KLHDC4: variants seen among roughly 807,000 people sequenced by gnomAD.
The protein encoded by KLHDC4 is kelch domain-containing protein 4.
Under a neutral mutation model 62.4 loss-of-function variants are expected in KLHDC4, and 90 were observed. The ratio of observed to expected loss-of-function variants is 1.44; its 90% CI spans 1.22 to 1.72. The LOEUF (loss-of-function observed/expected upper bound fraction) is 1.72, where lower values mean the gene tolerates loss of function less well. KLHDC4 is among the 40% of genes most tolerant of loss of function. The pLI is 0.00. For synonymous variants in KLHDC4, 386 were observed against 284.4 expected (o/e 1.36, Z -3.59); for missense variants, 1,025 against 699.7 (o/e 1.47, Z -5.25).
intron 7 of KLHDC4, among the ~76,000 whole-genome samples, chr16:87,723,764 C>G (rs2038861489): frequency 6.6e-6 from 1 of 152,270 alleles, no homozygotes; most frequent in Non-Finnish European, 1.5e-5. Flanking sequence ...AATGGAGAAA[C>G]AGACCTATGT....
downstream of KLHDC4, chr16:87,703,252 G>C (rs1013306249): frequency 1.3e-5 from 2 of 151,892 alleles, no homozygotes; most frequent in South Asian, 2.1e-4. Flanking sequence ...CAGGAATCGC[G>C]AGTGAGTTCC....
chr16:87,748,258 G>C (rs563623018), intron 5 of KLHDC4, among the ~76,000 whole-genome samples: 1 of 152,288 alleles, frequency 6.6e-6, no homozygotes, highest in Non-Finnish European at 1.5e-5. Flanking sequence ...TCTCATACCA[G>C]CTCCACGGTT....
chr16:87,731,046 C>CTTTTTTTTTTTTTTT (rs774096264), intron 5 of KLHDC4: 3 of 72,074 alleles, frequency 4.2e-5, no homozygotes, highest in Non-Finnish European at 8.3e-5. Context: ...ATACAGAATT[C>CTTTTTTTTTTTTTTT]TTTTTTTTTT....
intron 5 of KLHDC4, among the ~76,000 whole-genome samples, chr16:87,737,038 T>C (rs757432207): frequency 1.4e-5 from 2 of 143,450 alleles, no homozygotes; most frequent in African/African-American, 2.6e-5. Context: ...GGCAGGAGAA[T>C]TGCTTGAACT....
intron 5 of KLHDC4, 113 bp from the exon 6 acceptor site, chr16:87,730,757 C>G: frequency 2.4e-6 from 2 of 849,402 alleles, no homozygotes; most frequent in East Asian, 2.5e-5. Flanking sequence ...TTTGTGAGCA[C>G]TTACTGCTCA....
At chr16:87,731,804 C>T (rs554280679) in intron 5 of KLHDC4, among the ~76,000 whole-genome samples, 32 of 152,318 alleles carry the variant, frequency 2.1e-4, no homozygotes, top group African/African-American at 7.0e-4. Flanking sequence ...AGCTGTCCCT[C>T]AGTGGGTGAA....
Position 87,756,973 on chromosome 16 carries a change from C to A in KLHDC4, c.192-496G>T, listed in dbSNP as rs574167624. On this transcript the variant is annotated intron_variant, in intron 2 of 11. Transcript: ENST00000270583. The stretch of plus-strand genomic sequence containing the variant: ...GGATTGCAGGTGCCCACCACCACAC[C>A]CAGCTAGTTTTTGTATTTTTTAGTA... Among the ~76,000 whole-genome samples the A allele has an allele frequency of 2.0e-5, 3 of 152,004 alleles. No homozygotes were observed. In the South Asian group the frequency reaches 6.2e-4, roughly 32 times the overall value.
chr16:87,738,534 C>CCATCCACACACCAGCACCT (rs1252279609), intron 5 of KLHDC4, among the ~76,000 whole-genome samples: 9 of 152,108 alleles, frequency 5.9e-5, no homozygotes, highest in African/African-American at 1.4e-4. Flanking sequence ...AAAACGTGGT[C>CCATCCACACACCAGCACCT]CATCCACACA....
At chr16:87,705,159 G>A (rs975496465), downstream of KLHDC4, among the ~76,000 whole-genome samples, 2 of 152,368 alleles carry the variant, frequency 1.3e-5, no homozygotes, top group Middle Eastern at 3.4e-3. Context: ...ACGTGGCACC[G>A]AGTACGGCGT....
intron 6 of KLHDC4, among the ~76,000 whole-genome samples, chr16:87,727,168 A>T (rs570921571): frequency 9.2e-6 from 1 of 108,240 alleles, no homozygotes; most frequent in South Asian, 3.6e-4. Context: ...CTACCTGGAG[A>T]CAGGGCAACA....
At chr16:87,711,800 G>C (rs1480970079) in intron 8 of KLHDC4, among the ~76,000 whole-genome samples, 1 of 152,070 alleles carries the variant, frequency 6.6e-6, no homozygotes, top group Non-Finnish European at 1.5e-5. Flanking sequence ...GGGACCCTCC[G>C]CCCGGCACGG....
chr16:87,718,587 C>G (rs2037553835), intron 7 of KLHDC4, among the ~76,000 whole-genome samples: 1 of 151,910 alleles, frequency 6.6e-6, no homozygotes, highest in Non-Finnish European at 1.5e-5. Context: ...ACCCCCACCT[C>G]CCAGCCACCT....
chr16:87,721,087 G>A (rs74039490), intron 7 of KLHDC4, among the ~76,000 whole-genome samples: 7,741 of 152,226 alleles, frequency 0.051, 637 homozygotes, highest in African/African-American at 0.17. Context: ...TCTACCTGTC[G>A]CTTTCCAAGA....
chr16:87,728,355 C>T lies in KLHDC4; in HGVS notation c.600-1431G>A, dbSNP rs75572858. On this transcript the variant is annotated intron_variant, in intron 6 of 11. Coordinates refer to ENST00000270583, the MANE Select transcript of KLHDC4 (RefSeq NM_017566.4). ...AGACCACTGTTTTTTTCAGATTTCA[C>T]GTCGCAGATTTTTAGTACAAAGATT... 4.1e-3 allele frequency among the ~76,000 whole-genome samples: 627 copies of T among 152,192 alleles called. 5 individuals are homozygous for T. Among genetic ancestry groups the T allele is most frequent in the African/African-American group, 0.014 (587 of 41,516 alleles).
At chr16:87,753,415 A>T (rs987329530) in intron 4 of KLHDC4, among the ~76,000 whole-genome samples, 5 of 145,982 alleles carry the variant, frequency 3.4e-5, no homozygotes, top group Admixed American at 7.2e-5. Flanking sequence ...GGGCTAAGCC[A>T]GCCCTAGAGA....
At chr16:87,755,741 C>T (rs910596944) in intron 3 of KLHDC4, 5 of 178,100 alleles carry the variant, frequency 2.8e-5, no homozygotes, top group East Asian at 1.5e-4. Context: ...ATTTTTGTAT[C>T]GTTAGCAGAG....
chr16:87,756,844 C>G (rs2045021271), intron 2 of KLHDC4, among the ~76,000 whole-genome samples: 2 of 151,728 alleles, frequency 1.3e-5, no homozygotes, highest in African/African-American at 4.8e-5. Flanking sequence ...ATGGAGTTTC[C>G]CTCTTGTCAC....
Position 87,765,939 on chromosome 16 carries a change from G to C in KLHDC4, c.-49C>G. 2 of 1,519,504 alleles carry C rather than the reference G, an allele frequency of 1.3e-6. No homozygotes were observed. The highest frequency in any genetic ancestry group is 1.2e-5 in the South Asian group (1 of 83,350). The allele number at this position is 1,519,504 out of a possible 1,614,324, so 94.1% of individuals were successfully genotyped here. A position where few individuals can be genotyped will look rare whatever the true frequency, so the allele number is the denominator to read the frequency against. On this transcript the variant is annotated 5_prime_UTR_variant, in exon 1 of 12. Transcript: ENST00000270583. ...GGGACACCAGGAAAGAAAACGGCCC[G>C]CGCTCTCCGCTCGGAAACAGGTGCT...
rs144048008 is a variant in KLHDC4, at chr16:87,712,536, C to T, written c.836-1093G>A. 6.2e-4 allele frequency among the ~76,000 whole-genome samples: 94 copies of T among 152,354 alleles called. 1 individual carries two copies. The highest frequency in any genetic ancestry group is 2.0e-3 in the African/African-American group (85 of 41,590). Reference sequence around the variant, plus strand: ...CCTGGGGGCTGACGAGCAGAGCACACAGGCTCAGGGCCGCCCTGCGGGAAA... The same window carrying T: ...CCTGGGGGCTGACGAGCAGAGCACATAGGCTCAGGGCCGCCCTGCGGGAAA... On this transcript the variant is annotated intron_variant, in intron 8 of 11. Coordinates refer to ENST00000270583, the MANE Select transcript of KLHDC4 (RefSeq NM_017566.4).
Sources: gnomAD v4.1 joint callset for allele counts (sites outside exome capture counted in the v4.1 genomes callset) on GRCh38, gnomAD v4.1.1 for gene constraint, MANE v1.5 for transcripts, NCBI Gene and HGNC (gene_info 2026-07-23, HGNC 2026-07-21) for gene names.